The following TTC39C variants were observed in gnomAD, a reference collection of about 807,000 sequenced individuals.
TTC39C encodes tetratricopeptide repeat protein 39C.
Under a neutral mutation model 76.3 loss-of-function variants are expected in TTC39C, and 33 were observed. The ratio of observed to expected loss-of-function variants is 0.43; its 90% CI spans 0.33 to 0.58. The LOEUF is 0.58. Among genes scored for constraint, TTC39C ranks in the 20% least tolerant of loss-of-function variants. TTC39C has a pLI of 0.04. For missense variants in TTC39C, 595 were observed against 701.4 expected (o/e 0.85, Z 1.71); for synonymous variants, 254 against 260.6 (o/e 0.97, Z 0.24).
intron 6 of TTC39C, among the ~76,000 whole-genome samples, chr18:24,107,630 G>A (rs972848310): frequency 7.9e-5 from 12 of 152,074 alleles, no homozygotes; most frequent in Non-Finnish European, 1.3e-4. Context: ...CTCCTCCTTC[G>A]CCTTCTGCCA....
chr18:24,099,123 TG>T (rs2084644957), intron 6 of TTC39C: 3 of 148,054 alleles, frequency 2.0e-5, no homozygotes, highest in African/African-American at 7.5e-5. Context: ...CGTGTGTGTG[TG>T]TGTGTGTGTG....
In TTC39C at chr18:24,052,450, A is replaced by G. The variant is rs117265582; in HGVS notation, c.168-11690A>G. ...TAGAATTTTTCCTAAAGCCCTAAGT[A>G]TAGAAAAGGTCACTTTTTATTCATT... On this transcript the variant is annotated intron_variant, in intron 1 of 13. Coordinates refer to ENST00000317571, the MANE Select transcript of TTC39C (RefSeq NM_001135993.2). Among the ~76,000 whole-genome samples, 998 of 152,342 alleles carry G rather than the reference A, an allele frequency of 6.6e-3. 6 individuals carry two copies. Among genetic ancestry groups the G allele is most frequent in the South Asian group, 0.019 (92 of 4,828 alleles).
At chr18:24,063,259 A>G (rs373022172) in intron 1 of TTC39C, among the ~76,000 whole-genome samples, 18 of 152,306 alleles carry the variant, frequency 1.2e-4, no homozygotes, top group South Asian at 4.1e-4. Context: ...TCAGATGATT[A>G]CAAGGGGGGA....
In TTC39C at chr18:24,080,942, G is replaced by A; in HGVS notation, c.815+3G>A. On this transcript the variant is annotated splice_donor_region_variant and intron_variant, in intron 5 of 13. Transcript: ENST00000317571. ...GACATGAAGGCCCCTTTAGCTACGT[G>A]AGTAGCTGTATTGCAATGCTTTGGT... 2 of 1,595,880 alleles carry A rather than the reference G, an allele frequency of 1.3e-6. No homozygotes were observed. The highest frequency in any genetic ancestry group is 1.7e-6 in the Non-Finnish European group (2 of 1,166,174).
chr18:24,069,109 C>A, intron 3 of TTC39C, 48 bp from the exon 4 acceptor site: 5 of 1,402,686 alleles, frequency 3.6e-6, no homozygotes, highest in Non-Finnish European at 5.1e-6. Flanking sequence ...GGGGAACTGT[C>A]GTTGTTATGT....
At chr18:24,017,327 A>G (rs189802926) in intron 1 of TTC39C, among the ~76,000 whole-genome samples, 9 of 152,210 alleles carry the variant, frequency 5.9e-5, no homozygotes, top group African/African-American at 2.2e-4. Flanking sequence ...GTCTTTTGCC[A>G]TTTTGTGGCT....
intron 4 of TTC39C, among the ~76,000 whole-genome samples, chr18:24,071,257 C>T (rs184085219): frequency 1.3e-5 from 2 of 152,286 alleles, no homozygotes; most frequent in Non-Finnish European, 2.9e-5. Context: ...GTCTGTCTTT[C>T]GTTTGTTCAA....
Position 24,075,779 on chromosome 18 carries a change from G to A in TTC39C, c.461-4806G>A, listed in dbSNP as rs981785709. On this transcript the variant is annotated intron_variant, in intron 4 of 13. Transcript: ENST00000317571. ...GCCATGGGTTAACCAGCCTCCTTCCGGGACAGTTGGACAGACAGGCTTTAA... is the reference window on the plus strand; with the variant it reads ...GCCATGGGTTAACCAGCCTCCTTCCAGGACAGTTGGACAGACAGGCTTTAA... 4.9e-4 allele frequency among the ~76,000 whole-genome samples: 74 copies of A among 151,688 alleles called. 1 individual carries two copies. Among genetic ancestry groups the A allele is most frequent in the African/African-American group, 1.5e-3 (64 of 41,354 alleles).
intron 1 of TTC39C, among the ~76,000 whole-genome samples, chr18:24,054,729 G>T (rs4800537): frequency 1 from 152,343 of 152,372 alleles, 76,157 homozygotes; most frequent in Non-Finnish European, 1. Context: ...CAATTAATTT[G>T]TTAAATTTGT....
chr18:24,117,855 T>C (rs972356725), intron 7 of TTC39C, among the ~76,000 whole-genome samples: 1 of 152,166 alleles, frequency 6.6e-6, no homozygotes, highest in Non-Finnish European at 1.5e-5. Context: ...GGACGTAAAT[T>C]GGAGTGTCTT....
chr18:24,092,910 C>T (rs1259698602), intron 6 of TTC39C, among the ~76,000 whole-genome samples: 1 of 152,034 alleles, frequency 6.6e-6, no homozygotes, highest in East Asian at 1.9e-4. Context: ...GTGGCGAAAC[C>T]CCATTTCTAC....
chr18:24,134,255 C>CTTTTTTTTTTTTTTTTT lies in TTC39C; in HGVS notation c.*1682_*1683insTTTTTTTTTTTTTTTTT, dbSNP rs1568450608. 4 of 46,708 alleles carry CTTTTTTTTTTTTTTTTT rather than the reference C, an allele frequency of 8.6e-5. No homozygotes were observed. The highest frequency in any genetic ancestry group is 3.2e-4 in the Admixed American group (1 of 3,108). 2.9% of individuals were successfully genotyped at this position (46,708 alleles called of 1,614,324 possible). On this transcript the variant is annotated 3_prime_UTR_variant, in exon 14 of 14. Coordinates refer to ENST00000317571, the MANE Select transcript of TTC39C (RefSeq NM_001135993.2). ...ATTGGTGCCCAAAAATATTGGACAT[C>CTTTTTTTTTTTTTTTTT]TGTTTTTTGTTTTTTTTTTTTTTTT...
intron 1 of TTC39C, among the ~76,000 whole-genome samples, chr18:24,035,042 C>CT (rs1197314148): frequency 3.7e-4 from 31 of 83,238 alleles, no homozygotes; most frequent in Non-Finnish European, 8.3e-4. Flanking sequence ...TTCTTTATTT[C>CT]TTTATTTTTT....
At chr18:24,103,616 T>C (rs1379985657) in intron 6 of TTC39C, among the ~76,000 whole-genome samples, 1 of 152,236 alleles carries the variant, frequency 6.6e-6, no homozygotes, top group East Asian at 1.9e-4. Context: ...ACATGTGATG[T>C]TGTTCACATT....
At position 24,134,096 on chromosome 18, in the gene TTC39C, G is replaced by A. The variant is rs2085166774; in HGVS notation, c.*1522G>A. On this transcript the variant is annotated 3_prime_UTR_variant, in exon 14 of 14. Transcript: ENST00000317571. ...GTTACTGACCACTTTTCAGTAGACT[G>A]TTTCCAAAATGTGTATTCACATTGA... The A allele has an allele frequency of 6.5e-6, 1 of 154,538 alleles. No homozygotes were observed. The allele number at this position is 154,538 out of a possible 1,614,324, so 9.6% of individuals were successfully genotyped here. A position where few individuals can be genotyped will look rare whatever the true frequency, so the allele number is the denominator to read the frequency against.
chr18:24,102,548 G>C lies in TTC39C; in HGVS notation c.985-12006G>C, dbSNP rs750588065. The stretch of plus-strand genomic sequence containing the variant: ...TGGTTGCTGTGGGTGGAGACGACTG[G>C]AGAGGTGGGGACCGTCTTTAGGATG... On this transcript the variant is annotated intron_variant, in intron 6 of 13. Coordinates refer to ENST00000317571, the MANE Select transcript of TTC39C (RefSeq NM_001135993.2). Among the ~76,000 whole-genome samples, 4 of 152,190 alleles carry C rather than the reference G, an allele frequency of 2.6e-5. No homozygotes were observed. In the South Asian group the frequency reaches 8.3e-4, roughly 32 times the overall value.
intron 1 of TTC39C, among the ~76,000 whole-genome samples, chr18:24,009,064 GA>G (rs2083376501): frequency 6.6e-6 from 1 of 152,026 alleles, no homozygotes; most frequent in Admixed American, 6.6e-5. Context: ...TAGAGGCTGG[GA>G]AAAAGGAGAG....
At chr18:24,073,858 A>G (rs1242069469) in intron 4 of TTC39C, among the ~76,000 whole-genome samples, 1 of 152,164 alleles carries the variant, frequency 6.6e-6, no homozygotes, top group African/African-American at 2.4e-5. Context: ...TACCCTGTAC[A>G]TCACCATTTA....
intron 1 of TTC39C, among the ~76,000 whole-genome samples, chr18:23,999,254 G>C (rs2083293204): frequency 6.6e-6 from 1 of 152,148 alleles, no homozygotes; most frequent in African/African-American, 2.4e-5. Context: ...CTGAGGCCAA[G>C]TTTAAGGTAT....
Sources: allele counts gnomAD v4.1 joint callset (sites outside exome capture counted in the v4.1 genomes callset), GRCh38; gene constraint gnomAD v4.1.1; transcripts MANE v1.5; gene names NCBI Gene and HGNC (gene_info 2026-07-23, HGNC 2026-07-21).